Variants in PHF20L1 observed in about 807,000 individuals in gnomAD.
PHF20L1 encodes the protein PHD finger protein 20-like protein 1.
PHF20L1 carries 44 observed loss-of-function variants against 125.5 expected under a neutral mutation model. That is an observed-to-expected ratio of 0.35 (90% confidence interval 0.28 to 0.45). PHF20L1 has a LOEUF of 0.45. PHF20L1 is among the 20% of genes least tolerant of loss of function. The pLI, the probability that PHF20L1 is intolerant of heterozygous loss-of-function variation, is 1.00. For synonymous variants in PHF20L1, 380 were observed against 403.1 expected (o/e 0.94, Z 0.69); for missense variants, 1,012 against 1,217.2 (o/e 0.83, Z 2.51).
chr8:132,807,389 A>G (rs74435184), intron 8 of PHF20L1: 2,687 of 162,618 alleles, frequency 0.017, 76 homozygotes, highest in African/African-American at 0.06. Flanking sequence ...TAAACTACAG[A>G]ATGTCAAGGG....
At chr8:132,832,435 A>G in intron 15 of PHF20L1, 36 bp downstream of exon 15, 1 of 1,475,206 alleles carries the variant, frequency 6.8e-7, no homozygotes, top group Non-Finnish European at 9.4e-7. Flanking sequence ...AACAAGACTT[A>G]CAATTCCTAA....
chr8:132,812,073 G>A (rs750880233), intron 9 of PHF20L1: 23 of 980,684 alleles, frequency 2.3e-5, no homozygotes, highest in Non-Finnish European at 2.8e-5. Context: ...TAAATCAATG[G>A]GTCTTTTAAA....
intron 14 of PHF20L1, among the ~76,000 whole-genome samples, chr8:132,829,418 T>C (rs115958019): frequency 0.02 from 3,080 of 152,206 alleles, 107 homozygotes; most frequent in African/African-American, 0.071. Context: ...AGATTTATTA[T>C]TCGAATTAAA....
chr8:132,845,904 C>T lies in PHF20L1; in HGVS notation c.3035C>T (p.Ala1012Val). Residue 1012 changes from alanine to valine, a missense_variant, in exon 21 of 21, where the codon GCA (alanine) becomes GTA (valine). By Grantham distance (64) the Ala-to-Val change is moderately conservative. Coordinates refer to ENST00000395386, the MANE Select transcript of PHF20L1 (RefSeq NM_016018.5). The stretch of plus-strand genomic sequence containing the variant: ...GACATGGGCAAAGTACAGCAGATAG[C>T]AACTCTTTGCTCTGTATGACAACAG... ...LIDMGKVQQI[A>V]TLCSV 3 of 1,611,892 alleles carry T rather than the reference C, an allele frequency of 1.9e-6. No individual in the cohort carries two copies. Among genetic ancestry groups the T allele is most frequent in the Non-Finnish European group, 2.5e-6 (3 of 1,178,472 alleles).
At chr8:132,835,960 G>T (rs1008293003) in intron 15 of PHF20L1, among the ~76,000 whole-genome samples, 4 of 151,776 alleles carry the variant, frequency 2.6e-5, no homozygotes, top group South Asian at 2.1e-4. Flanking sequence ...GTTGTTTATA[G>T]TATGAATAAT....
At chr8:132,817,775 A>T in intron 12 of PHF20L1, 1 of 423,068 alleles carries the variant, frequency 2.4e-6, no homozygotes, top group Non-Finnish European at 4.2e-6. Flanking sequence ...TTGTCACTTG[A>T]TCTATTTCCT....
chr8:132,839,607 G>GCT, intron 18 of PHF20L1, 25 bp downstream of exon 18: 1 of 1,562,538 alleles, frequency 6.4e-7, no homozygotes, highest in Non-Finnish European at 8.8e-7. Flanking sequence ...GCAAAGGGAG[G>GCT]GTCACACTTC....
At chr8:132,805,370 C>T (rs953896598) in intron 8 of PHF20L1, among the ~76,000 whole-genome samples, 4 of 151,736 alleles carry the variant, frequency 2.6e-5, no homozygotes, top group African/African-American at 9.7e-5. Flanking sequence ...TAGCCTGGTT[C>T]GTGTTCATGG....
rs1833387710 is a variant in PHF20L1 at position 132,803,962 on chromosome 8, A to G, written c.651A>G (p.Glu217=). ...KWFKVPSKKE[E]TSTCIATPDV... ...TTAAAGTACCTTCAAAGAAGGAGGAAACTTCAACTTGTATAGCCACACCAG... is the reference window on the plus strand; with the variant it reads ...TTAAAGTACCTTCAAAGAAGGAGGAGACTTCAACTTGTATAGCCACACCAG... Residue 217 remains glutamate, a synonymous_variant, in exon 7 of 21, where the codon GAA becomes GAG. Coordinates refer to ENST00000395386, the MANE Select transcript of PHF20L1 (RefSeq NM_016018.5). 1 of 1,612,270 alleles carries G rather than the reference A, an allele frequency of 6.2e-7. No homozygotes were observed. The highest frequency in any genetic ancestry group is 1.3e-5 in the African/African-American group (1 of 74,830).
chr8:132,837,821 T>A lies in PHF20L1; in HGVS notation c.2191+10T>A, dbSNP rs1837530857. On this transcript the variant is annotated intron_variant, in intron 17 of 20. Coordinates refer to ENST00000395386, the MANE Select transcript of PHF20L1 (RefSeq NM_016018.5). Reference sequence around the variant, plus strand: ...TGCCGGGACCCACCAGGTAAGGCTTTCTGTGCCGTGCTGATTGCCAGGATG... The same window carrying A: ...TGCCGGGACCCACCAGGTAAGGCTTACTGTGCCGTGCTGATTGCCAGGATG... 6.3e-7 allele frequency: 1 copy of A among 1,594,318 alleles called. No homozygotes were observed.
rs371178582 is a variant in PHF20L1 at position 132,834,269 on chromosome 8, A to C, written c.1909+1870A>C. On this transcript the variant is annotated intron_variant, in intron 15 of 20. Transcript: ENST00000395386. ...TGCTTGCTAACACCATAAAACTGGTAATCTTTGCCATGCAAGTATATGTGA... is the reference window on the plus strand; with the variant it reads ...TGCTTGCTAACACCATAAAACTGGTCATCTTTGCCATGCAAGTATATGTGA... Among the ~76,000 whole-genome samples, 58 of 152,276 alleles carry C rather than the reference A, an allele frequency of 3.8e-4. No individual in the cohort carries two copies. In the South Asian group the frequency reaches 6.8e-3, roughly 18 times the overall value.
In PHF20L1 at chr8:132,844,217, G is replaced by C. The variant is rs765008775; in HGVS notation, c.2810G>C (p.Gly937Ala). 6.2e-6 allele frequency: 10 copies of C among 1,612,828 alleles called. No homozygotes were observed. The South Asian group carries it at 7.7e-5, about 12-fold the overall frequency. ...YNDKKGTEDPGDSHLQWQLNL... is the reference protein window; with the variant it reads ...YNDKKGTEDPADSHLQWQLNL... ...GATAAAAAGGGCACCGAAGACCCAG[G>C]AGACTCACATCTTCAGTGGCAGCTC... The change falls in exon 20 of 21, where the codon GGA (glycine) becomes GCA (alanine). Residue 937 changes from glycine to alanine, a missense_variant. By Grantham distance (60) the Gly-to-Ala change is moderately conservative (BLOSUM62 0). Around this residue, in one of 7 missense-constraint regions of PHF20L1, gnomAD observed 277 missense variants for 283.6 expected, o/e 0.98. Coordinates refer to ENST00000395386, the MANE Select transcript of PHF20L1 (RefSeq NM_016018.5).
intron 8 of PHF20L1, chr8:132,806,859 C>T (rs896824411): frequency 1.3e-5 from 2 of 151,928 alleles, no homozygotes; most frequent in Admixed American, 1.3e-4. Context: ...TATTTCTCTC[C>T]ACTCTATTTT....
chr8:132,779,438 A>G (rs938503770), intron 2 of PHF20L1, among the ~76,000 whole-genome samples: 16 of 152,250 alleles, frequency 1.1e-4, no homozygotes, highest in African/African-American at 3.9e-4. Context: ...CCAAAGGCAT[A>G]CTACTGAATG....
chr8:132,790,803 A>T (rs980857459), intron 2 of PHF20L1, among the ~76,000 whole-genome samples: 3 of 152,210 alleles, frequency 2.0e-5, no homozygotes, highest in East Asian at 3.9e-4. Context: ...TCTATATTCT[A>T]TATGTCCCCT....
rs1190143539 is a variant in PHF20L1, at chr8:132,847,598, C to T, written c.*1675C>T. 2.0e-5 allele frequency: 3 copies of T among 152,586 alleles called. No homozygotes were observed. The highest frequency in any genetic ancestry group is 4.4e-5 in the Non-Finnish European group (3 of 68,002). 9.5% of individuals were successfully genotyped at this position (152,586 alleles called of 1,614,324 possible). ...TATTCCACATATCCTAAAATTTCAG[C>T]TTGCCTTTTTGCGGCCTTATATTTT... is the stretch of plus-strand genomic sequence containing the variant. On this transcript the variant is annotated 3_prime_UTR_variant, in exon 21 of 21. Transcript: ENST00000395386.
Position 132,817,366 on chromosome 8 carries a change from A to C in PHF20L1, c.1400A>C (p.Glu467Ala). 2 of 1,612,590 alleles carry C rather than the reference A, an allele frequency of 1.2e-6. No individual in the cohort carries two copies. Among genetic ancestry groups the C allele is most frequent in the Non-Finnish European group, 1.7e-6 (2 of 1,179,058 alleles). The change falls in exon 12 of 21, where the codon GAG becomes GCG. Residue 467 changes from glutamate to alanine, a missense_variant. Transcript: ENST00000395386. ...CCTGATGTTGCACATTTGCCACTTG[A>C]GAAGCTGGGACCCTGTCTCCCTCTT... ...EVPDVAHLPLEKLGPCLPLDL... is the reference protein window; with the variant it reads ...EVPDVAHLPLAKLGPCLPLDL...
Position 132,792,964 on chromosome 8 carries a change from CTTT to C in PHF20L1, c.84-1430_84-1428del, listed in dbSNP as rs370724463. On this transcript the variant is annotated intron_variant, in intron 2 of 20. Transcript: ENST00000395386. ...GCTTATTTGAGAAGACCCCTTTTTT[CTTT>C]TTTTTTTTTTTTTTTAGTGCCACAC... 9.3e-3 allele frequency among the ~76,000 whole-genome samples: 1,201 copies of C among 129,596 alleles called. 17 individuals carry two copies. Among genetic ancestry groups the C allele is most frequent in the African/African-American group, 0.033 (1,148 of 34,596 alleles). 85.0% of individuals were successfully genotyped at this position (129,596 alleles called of 152,430 possible). A position where few individuals can be genotyped will look rare whatever the true frequency, so the allele number is the denominator to read the frequency against.
intron 19 of PHF20L1, chr8:132,843,895 T>C: frequency 1.0e-6 from 1 of 985,282 alleles, no homozygotes; most frequent in South Asian, 4.7e-5. Context: ...GTGACTTCAT[T>C]TATTTAGCGC....
Sources: gnomAD v4.1 joint callset for allele counts (sites outside exome capture counted in the v4.1 genomes callset) on GRCh38, gnomAD v4.1.1 for gene constraint, gnomAD v4.1.1 regional missense constraint, MANE v1.5 for transcripts, NCBI Gene and HGNC (gene_info 2026-07-23, HGNC 2026-07-21) for gene names.